SLC26A8: variants seen among roughly 807,000 people sequenced by gnomAD.
SLC26A8 encodes testis anion transporter 1.
A neutral mutation model predicts 105.0 loss-of-function variants in SLC26A8; 70 were observed. The ratio of observed to expected loss-of-function variants is 0.67; its 90% CI spans 0.55 to 0.81. The LOEUF (loss-of-function observed/expected upper bound fraction) is 0.81, where lower values mean the gene tolerates loss of function less well. SLC26A8 is among the 40% of genes least tolerant of loss of function. The pLI is 0.00. For synonymous variants in SLC26A8, 415 were observed against 438.3 expected, an observed-to-expected ratio of 0.95 and a Z score of 0.66; for missense variants, 998 against 1,181.8, an observed-to-expected ratio of 0.84 and a Z score of 2.28.
At chr6:35,985,186 C>T (rs1368572223) in intron 7 of SLC26A8, among the ~76,000 whole-genome samples, 3 of 151,648 alleles carry the variant, frequency 2.0e-5, no homozygotes, top group African/African-American at 7.3e-5. Flanking sequence ...CAGTGTAAAT[C>T]TTACAGGTAT....
intron 6 of SLC26A8, among the ~76,000 whole-genome samples, chr6:35,992,147 AACT>A (rs1310185422): frequency 6.6e-6 from 1 of 152,222 alleles, no homozygotes; most frequent in African/African-American, 2.4e-5. Flanking sequence ...TACATTTAGG[AACT>A]ACTTAGTCTT....
Position 35,996,497 on chromosome 6 carries a change from C to T in SLC26A8, c.627+1241G>A, listed in dbSNP as rs73729651. ...AAGGATTCCAGATCTGGCTCTAAAG[C>T]TTACTAACCCAAAGATAGTGTGTGA... On this transcript the variant is annotated intron_variant, in intron 5 of 19. Transcript: ENST00000490799. Among the ~76,000 whole-genome samples, 1,406 of 152,242 alleles carry T rather than the reference C, an allele frequency of 9.2e-3. 17 individuals carry two copies. The highest frequency in any genetic ancestry group is 0.032 in the African/African-American group (1,330 of 41,538).
intron 3 of SLC26A8, among the ~76,000 whole-genome samples, chr6:36,001,614 T>G (rs1046737692): frequency 3.3e-5 from 5 of 152,224 alleles, no homozygotes; most frequent in Non-Finnish European, 5.9e-5. Context: ...CTGCCAGAGG[T>G]GGCTTCAAAG....
At chr6:36,014,897 A>G (rs1385347610) in intron 2 of SLC26A8, among the ~76,000 whole-genome samples, 2 of 151,834 alleles carry the variant, frequency 1.3e-5, no homozygotes, top group Non-Finnish European at 2.9e-5. Context: ...GAGAAAAAAA[A>G]CCTCACTTAT....
chr6:36,001,109 C>T (rs1487652885), intron 3 of SLC26A8, among the ~76,000 whole-genome samples: 1 of 152,092 alleles, frequency 6.6e-6, no homozygotes, highest in Non-Finnish European at 1.5e-5. Context: ...CTAATATGAT[C>T]CACAATGGCC....
rs1761230841 is a variant in SLC26A8, at chr6:35,993,184, A to ATTGGG, written c.628-511_628-510insCCCAA. 1.6e-4 allele frequency among the ~76,000 whole-genome samples: 3 copies of ATTGGG among 19,092 alleles called. 1 individual carries two copies. The highest frequency in any genetic ancestry group is 2.5e-4 in the African/African-American group (2 of 8,146). 12.5% of individuals were successfully genotyped at this position (19,092 alleles called of 152,430 possible). ...TTTTTTTTTTTTTTTTTTGATAGAG[A>ATTGGG]TTGGAGGGGGGGGTCTTGCTATATT... is the stretch of plus-strand genomic sequence containing the variant. On this transcript the variant is annotated intron_variant, in intron 5 of 19. Coordinates refer to ENST00000490799, the MANE Select transcript of SLC26A8 (RefSeq NM_052961.4).
intron 11 of SLC26A8, among the ~76,000 whole-genome samples, chr6:35,967,107 G>A (rs532266006): frequency 6.6e-6 from 1 of 152,178 alleles, no homozygotes; most frequent in East Asian, 1.9e-4. Flanking sequence ...GGAATCAGAG[G>A]ACCGCTTGCG....
intron 7 of SLC26A8, among the ~76,000 whole-genome samples, chr6:35,989,327 A>G (rs1338289243): frequency 1.3e-5 from 2 of 152,212 alleles, no homozygotes; most frequent in African/African-American, 2.4e-5. Context: ...CTAGGAATTC[A>G]TGTAATGGAA....
chr6:36,014,965 C>T (rs773443439), intron 2 of SLC26A8, among the ~76,000 whole-genome samples: 3 of 152,174 alleles, frequency 2.0e-5, no homozygotes, highest in South Asian at 2.1e-4. Context: ...AATCACTTTA[C>T]GAGGCAGGTG....
intron 11 of SLC26A8, among the ~76,000 whole-genome samples, chr6:35,968,436 TCCCAGTTATACGGTGTATAACTGTATAA>T (rs750970799): frequency 2.3e-3 from 347 of 151,604 alleles, no homozygotes; most frequent in Non-Finnish European, 4.2e-3. Flanking sequence ...GTGCCCTGTA[TCCCAGTTATACGGTGTATAACTGTATAA>T]CCCAGTTATA....
intron 11 of SLC26A8, among the ~76,000 whole-genome samples, chr6:35,968,588 T>G (rs1772615377): frequency 1.9e-5 from 1 of 51,322 alleles, no homozygotes; most frequent in Non-Finnish European, 4.1e-5. Flanking sequence ...CATATGTGTG[T>G]ATGTGTGTGT....
intron 7 of SLC26A8, among the ~76,000 whole-genome samples, chr6:35,985,157 C>A (rs1448219644): frequency 1.3e-5 from 2 of 152,048 alleles, no homozygotes; most frequent in Non-Finnish European, 2.9e-5. Context: ...TCAATTTGTC[C>A]CACCCTTCCA....
At chr6:35,953,976 C>T (rs1345157343) in intron 17 of SLC26A8, among the ~76,000 whole-genome samples, 2 of 152,082 alleles carry the variant, frequency 1.3e-5, no homozygotes. Context: ...TCCAAAGGCA[C>T]AAATCTCAAA....
chr6:35,968,259 C>T (rs1486406724), intron 11 of SLC26A8, among the ~76,000 whole-genome samples: 2 of 152,092 alleles, frequency 1.3e-5, no homozygotes, highest in Non-Finnish European at 2.9e-5. Flanking sequence ...ATTCTCCTGC[C>T]TCAGCCCCCA....
chr6:35,973,829 C>G (rs1212380473), intron 10 of SLC26A8, among the ~76,000 whole-genome samples: 1 of 152,184 alleles, frequency 6.6e-6, no homozygotes, highest in Admixed American at 6.5e-5. Flanking sequence ...ATGGCTACAC[C>G]TTTTACTATG....
At chr6:35,979,042 G>A (rs1773163839) in intron 8 of SLC26A8, among the ~76,000 whole-genome samples, 1 of 136,336 alleles carries the variant, frequency 7.3e-6, no homozygotes, top group African/African-American at 2.7e-5. Flanking sequence ...TTTAGAAACG[G>A]AGTCTCACCA....
At chr6:35,985,692 CAAAAAAAAAAAAAAAAAA>C (rs58199602) in intron 7 of SLC26A8, among the ~76,000 whole-genome samples, 2 of 46,920 alleles carry the variant, frequency 4.3e-5, no homozygotes, top group African/African-American at 9.0e-5. Flanking sequence ...GACTCCGTCT[CAAAAAAAAAAAAAAAAAA>C]AAAAAAAAAA....
At chr6:35,974,267 G>A (rs1415773078) in intron 10 of SLC26A8, among the ~76,000 whole-genome samples, 2 of 152,190 alleles carry the variant, frequency 1.3e-5, no homozygotes, top group Admixed American at 6.5e-5. Context: ...GCAGTGAGCC[G>A]AGATCGCGTC....
At position 35,960,897 on chromosome 6, in the gene SLC26A8, G is replaced by A. The variant is rs368016519; in HGVS notation, c.1584C>T (p.Leu528=). 3.2e-5 allele frequency: 51 copies of A among 1,614,044 alleles called. No individual in the cohort carries two copies. The highest frequency in any genetic ancestry group is 1.6e-4 in the Middle Eastern group (1 of 6,084). The stretch of plus-strand genomic sequence containing the variant: ...TGTTGGTGTTAGGGATTTGACCCAG[G>A]AGAAGAATCTTAGCTCTGAAAGGAA... ...TVRSHRAKIL[L]LGQIPNTNIY... is the part of the protein sequence containing the mutation. The change falls in exon 14 of 20, where the codon CTC becomes CTT. Residue 528 remains leucine, a synonymous_variant. Transcript: ENST00000490799.
Sources: allele counts gnomAD v4.1 joint callset (sites outside exome capture counted in the v4.1 genomes callset), GRCh38; gene constraint gnomAD v4.1.1; transcripts MANE v1.5; gene names NCBI Gene and HGNC (gene_info 2026-07-23, HGNC 2026-07-21).